POR: variants seen among roughly 807,000 people sequenced by gnomAD.
The protein encoded by POR is cytochrome p450 oxidoreductase.
POR carries 56 observed loss-of-function variants against 84.0 expected under a neutral mutation model. That is an observed-to-expected ratio of 0.67 (90% CI 0.54 to 0.83). The LOEUF is 0.83. Among genes scored for constraint, POR ranks in the 40% least tolerant of loss-of-function variants. POR has a pLI of 0.00. For synonymous variants in POR, 414 were observed against 400.5 expected (o/e 1.03, Z -0.40); for missense variants, 938 against 944.3 (o/e 0.99, Z 0.09).
intron 1 of POR, among the ~76,000 whole-genome samples, chr7:75,927,917 C>T (rs1399761978): frequency 6.6e-6 from 1 of 151,184 alleles, no homozygotes; most frequent in Non-Finnish European, 1.5e-5. Context: ...GTGATCTTGC[C>T]CTCCTCGGCC....
At chr7:75,925,321 A>AAG (rs142191341) in intron 1 of POR, among the ~76,000 whole-genome samples, 24 of 150,462 alleles carry the variant, frequency 1.6e-4, no homozygotes, top group Middle Eastern at 3.4e-3. Flanking sequence ...CAGCCTGGGC[A>AAG]AGAGAGAGAG....
Position 75,984,914 on chromosome 7 carries a change from C to A in POR, c.1204C>A (p.Gln402Lys), listed in dbSNP as rs1789314962. 6.2e-7 allele frequency: 1 copy of A among 1,608,056 alleles called. No individual in the cohort carries two copies. Among genetic ancestry groups the A allele is most frequent in the Admixed American group, 1.7e-5 (1 of 59,896 alleles). Residue 402 changes from glutamine to lysine, a missense_variant, in exon 11 of 16, where the codon CAG becomes AAG. Coordinates refer to ENST00000461988, the MANE Select transcript of POR (RefSeq NM_000941.3). ...GCAGTACGCCTCGGAGCCCTCGGAG[C>A]AGGAGCTGCTGCGCAAGATGGCCTC... is the stretch of plus-strand genomic sequence containing the variant.
At chr7:75,941,706 G>A (rs1308720402) in intron 1 of POR, among the ~76,000 whole-genome samples, 4 of 152,110 alleles carry the variant, frequency 2.6e-5, no homozygotes, top group Non-Finnish European at 5.9e-5. Context: ...GGCTGGTTGC[G>A]GTGGTTCACA....
At chr7:75,930,805 AG>A (rs1807376919) in intron 1 of POR, among the ~76,000 whole-genome samples, 1 of 151,872 alleles carries the variant, frequency 6.6e-6, no homozygotes, top group Non-Finnish European at 1.5e-5. Context: ...TACAGGCATG[AG>A]CCACCTTGCC....
At chr7:75,945,087 A>G (rs1787117800) in intron 1 of POR, among the ~76,000 whole-genome samples, 1 of 152,008 alleles carries the variant, frequency 6.6e-6, no homozygotes. Flanking sequence ...TCATTACCAG[A>G]CTGGGCAATG....
Position 75,981,066 on chromosome 7 carries a change from A to C in POR, c.535A>C (p.Lys179Gln), listed in dbSNP as rs1554557736. 1 of 1,575,620 alleles carries C rather than the reference A, an allele frequency of 6.3e-7. No individual in the cohort carries two copies. Among genetic ancestry groups the C allele is most frequent in the African/African-American group, 1.4e-5 (1 of 74,062 alleles). Residue 179 changes from lysine (K) to glutamine (Q), a missense_variant, in exon 6 of 16, where the codon AAG (lysine) becomes CAG (glutamine). Transcript: ENST00000461988. ...CACGCAGGTGTTTGGTCTTGGGAAC[A>C]AGACCTACGAGCACTTCAATGCCAT...
At chr7:75,972,671 C>A in intron 3 of POR, 1 of 641,290 alleles carries the variant, frequency 1.6e-6, no homozygotes, top group South Asian at 1.7e-5. Context: ...TTCCTTGAAT[C>A]TTTACTTTTT....
Position 75,981,098 on chromosome 7 carries a change from G to A in POR, c.567G>A (p.Lys189=), listed in dbSNP as rs1554557750. 1.3e-6 allele frequency: 2 copies of A among 1,572,342 alleles called. No individual in the cohort carries two copies. Among genetic ancestry groups the A allele is most frequent in the Non-Finnish European group, 1.7e-6 (2 of 1,159,564 alleles). The change falls in exon 6 of 16, where the codon AAG becomes AAA. Residue 189 remains lysine (K), a synonymous_variant. Coordinates refer to ENST00000461988, the MANE Select transcript of POR (RefSeq NM_000941.3). ...ACGAGCACTTCAATGCCATGGGCAAGTACGTGGACAAGCGGCTGGAGCAGC... is the reference window on the plus strand; with the variant it reads ...ACGAGCACTTCAATGCCATGGGCAAATACGTGGACAAGCGGCTGGAGCAGC...
chr7:75,961,368 C>T (rs1003530535), intron 2 of POR, among the ~76,000 whole-genome samples: 7 of 152,028 alleles, frequency 4.6e-5, no homozygotes, highest in Non-Finnish European at 8.8e-5. Context: ...CCATTCTGCA[C>T]GAGGCCTGTG....
intron 1 of POR, among the ~76,000 whole-genome samples, chr7:75,945,674 C>T (rs1787143264): frequency 6.6e-6 from 1 of 152,136 alleles, no homozygotes; most frequent in African/African-American, 2.4e-5. Flanking sequence ...GCTCCCCCTG[C>T]AGCCAGAAGG....
rs10262966 is a variant in POR at position 75,954,007 on chromosome 7, A to T, written c.15A>T (p.Gly5=). Residue 5 remains glycine, a synonymous_variant, in exon 2 of 16, where the codon GGA becomes GGT. Coordinates refer to ENST00000461988, the MANE Select transcript of POR (RefSeq NM_000941.3). Reference sequence around the variant, plus strand: ...CTAACAGTTTCATGATCAACATGGGAGACTCCCACGTGGACACCAGCTCCA... The same window carrying T: ...CTAACAGTTTCATGATCAACATGGGTGACTCCCACGTGGACACCAGCTCCA... 2.5e-6 allele frequency: 4 copies of T among 1,598,382 alleles called. No individual in the cohort carries two copies. Among genetic ancestry groups the T allele is most frequent in the Non-Finnish European group, 3.4e-6 (4 of 1,172,298 alleles).
rs1563433095 is a variant in POR at position 75,983,831 on chromosome 7, CG to C, written c.1042del (p.Val348SerfsTer4). On this transcript the variant is annotated frameshift_variant, in exon 10 of 16. Coordinates refer to ENST00000461988, the MANE Select transcript of POR (RefSeq NM_000941.3). LOFTEE classifies it high-confidence loss of function. The stretch of plus-strand genomic sequence containing the variant: ...AAATCCTGGGTGCCGACCTGGACGT[CG>C]TCATGTCCCTGAACAACCTGGATGG... 3 of 1,610,258 alleles carry C rather than the reference CG, an allele frequency of 1.9e-6. No individual in the cohort carries two copies. In the African/African-American group the frequency reaches 4.0e-5, roughly 22 times the overall value.
At chr7:75,967,424 C>T (rs1788235080) in intron 2 of POR, among the ~76,000 whole-genome samples, 1 of 152,154 alleles carries the variant, frequency 6.6e-6, no homozygotes, top group South Asian at 2.1e-4. Flanking sequence ...TCATGGCACA[C>T]AGGATGCTTC....
intron 2 of POR, among the ~76,000 whole-genome samples, chr7:75,955,391 C>T (rs573196493): frequency 2.6e-5 from 4 of 152,350 alleles, no homozygotes; most frequent in African/African-American, 9.6e-5. Context: ...CCCTGTCTCT[C>T]CAAGATTGAT....
chr7:75,986,244 G>A lies in POR; in HGVS notation c.1898+3G>A, dbSNP rs41301439. On this transcript the variant is annotated splice_donor_region_variant and intron_variant, in intron 15 of 15. Coordinates refer to ENST00000461988, the MANE Select transcript of POR (RefSeq NM_000941.3). ...GGTGCCCACATCTACGTCTGTGGGT[G>A]AGTGAGTGGGGTCACTGGAATAGGG... 1,689 of 1,612,190 alleles carry A rather than the reference G, an allele frequency of 1.0e-3. 21 individuals are homozygous for A. In the African/African-American group the frequency reaches 0.019, roughly 18 times the overall value.
At chr7:75,971,902 C>T (rs545673843) in intron 2 of POR, among the ~76,000 whole-genome samples, 13 of 152,032 alleles carry the variant, frequency 8.6e-5, no homozygotes, top group African/African-American at 3.1e-4. Flanking sequence ...TGGAGACAGA[C>T]TCTGAGGGGA....
chr7:75,917,553 C>T (rs1215926880), intron 1 of POR, among the ~76,000 whole-genome samples: 2 of 152,008 alleles, frequency 1.3e-5, no homozygotes, highest in African/African-American at 4.8e-5. Flanking sequence ...CTCAATTGAG[C>T]ATGTTGGGAT....
rs1554557313 is a variant in POR at position 75,979,518 on chromosome 7, C to A, written c.305C>A (p.Ser102Tyr). Residue 102 changes from serine (S) to tyrosine (Y), a missense_variant, in exon 4 of 16, where the codon TCC becomes TAC. By Grantham distance (144) the Ser-to-Tyr change is moderately radical. Transcript: ENST00000461988. ...GCAGAGGAGTTTGCCAACCGCCTGTCCAAGGACGCCCACCGCTACGGGATG... is the reference window on the plus strand; with the variant it reads ...GCAGAGGAGTTTGCCAACCGCCTGTACAAGGACGCCCACCGCTACGGGATG... The A allele has an allele frequency of 6.2e-7, 1 of 1,613,530 alleles. No individual in the cohort carries two copies. The highest frequency in any genetic ancestry group is 8.5e-7 in the Non-Finnish European group (1 of 1,179,838).
chr7:75,979,390 G>C (rs1214834074), intron 3 of POR, 61 bp from the exon 4 acceptor site: 7 of 1,584,136 alleles, frequency 4.4e-6, no homozygotes, highest in Non-Finnish European at 5.2e-6. Flanking sequence ...CCCAGTGGGT[G>C]TTCACCGGAG....
Sources: gnomAD v4.1 joint callset for allele counts (sites outside exome capture counted in the v4.1 genomes callset) on GRCh38, gnomAD v4.1.1 for gene constraint, MANE v1.5 for transcripts, NCBI Gene and HGNC (gene_info 2026-07-23, HGNC 2026-07-21) for gene names.